KIAA1671: variants seen among roughly 807,000 people sequenced by gnomAD.
The protein encoded by KIAA1671 is uncharacterized protein KIAA1671.
In KIAA1671, 52 loss-of-function variants were observed where a neutral mutation model predicts 131.2. The observed-to-expected ratio is 0.40, with a 90% CI of 0.32 to 0.50. The LOEUF (loss-of-function observed/expected upper bound fraction) is 0.50. Ranked by LOEUF, KIAA1671 falls within the 20% of genes least tolerant of loss-of-function variation. KIAA1671 has a pLI of 0.73. For missense variants in KIAA1671, 2,360 were observed against 2,364.2 expected (o/e 1.00, Z 0.04); for synonymous variants, 1,003 against 961.6 (o/e 1.04, Z -0.80).
intron 6 of KIAA1671, among the ~76,000 whole-genome samples, chr22:25,073,984 G>C (rs1159948194): frequency 6.6e-6 from 1 of 152,140 alleles, no homozygotes; most frequent in Non-Finnish European, 1.5e-5. Flanking sequence ...ATGAGCCACT[G>C]CGCCCAGTCC....
intron 6 of KIAA1671, among the ~76,000 whole-genome samples, chr22:25,093,756 C>CTCTCTCTG (rs2145882775): frequency 9.7e-6 from 1 of 102,886 alleles, no homozygotes; most frequent in Non-Finnish European, 1.9e-5. Flanking sequence ...CTCTCTCTCT[C>CTCTCTCTG]TCTCTCTCTC....
intron 1 of KIAA1671, among the ~76,000 whole-genome samples, chr22:24,974,020 T>G (rs1399321381): frequency 6.6e-6 from 1 of 152,136 alleles, no homozygotes; most frequent in Admixed American, 6.6e-5. Flanking sequence ...CTTTGGTGGT[T>G]TGCACAACGG....
At chr22:25,057,290 G>A (rs1350530353) in intron 6 of KIAA1671, 1 of 152,302 alleles carries the variant, frequency 6.6e-6, no homozygotes, top group Non-Finnish European at 1.5e-5. Context: ...TTTCAGCAGT[G>A]CCACCTGGAG....
At position 25,041,014 on chromosome 22, in the gene KIAA1671, C is replaced by T. The variant is rs1419045482; in HGVS notation, c.3884C>T (p.Pro1295Leu). 12 of 1,480,616 alleles carry T rather than the reference C, an allele frequency of 8.1e-6. No homozygotes were observed. In the East Asian group the frequency reaches 2.0e-4, roughly 24 times the overall value. 91.7% of individuals were successfully genotyped at this position (1,480,616 alleles called of 1,614,324 possible). A position where few individuals can be genotyped will look rare whatever the true frequency, so the allele number is the denominator to read the frequency against. ...ETAMGTKSSP[P>L]FWALPPSAPS... Reference sequence around the variant, plus strand: ...GCCATGGGCACCAAATCTAGCCCTCCCTTCTGGGCTCTGCCACCCTCGGCT... The same window carrying T: ...GCCATGGGCACCAAATCTAGCCCTCTCTTCTGGGCTCTGCCACCCTCGGCT... The change falls in exon 5 of 13, where the codon CCC (proline) becomes CTC (leucine). Residue 1295 changes from proline to leucine, a missense_variant. By Grantham distance (98) the Pro-to-Leu change is moderately conservative. This residue lies in a region of KIAA1671 where 1,161 missense variants were observed against 1,204.7 expected (regional missense o/e 0.96). Transcript: ENST00000358431.
chr22:25,049,566 G>A, intron 6 of KIAA1671: 1 of 554,012 alleles, frequency 1.8e-6, no homozygotes, highest in Non-Finnish European at 3.1e-6. Context: ...GCTCTGCTGG[G>A]GAAACCTTCT....
chr22:25,153,019 C>T (rs9624734), intron 6 of KIAA1671, among the ~76,000 whole-genome samples: 40,550 of 151,960 alleles, frequency 0.27, 5,539 homozygotes, highest in South Asian at 0.39. Flanking sequence ...CTCACATGTT[C>T]ATGAACCTTG....
chr22:25,151,893 C>T (rs894448139), intron 6 of KIAA1671, among the ~76,000 whole-genome samples: 1 of 152,058 alleles, frequency 6.6e-6, no homozygotes, highest in Non-Finnish European at 1.5e-5. Flanking sequence ...TGTGAGCCAC[C>T]ACGCCCGGCT....
chr22:25,121,965 G>A (rs573628066), intron 6 of KIAA1671, among the ~76,000 whole-genome samples: 10 of 152,306 alleles, frequency 6.6e-5, no homozygotes, highest in African/African-American at 2.4e-4. Context: ...CTGGTTAAGA[G>A]AGTGAATTGT....
At chr22:25,027,378 C>T (rs1028347687) in intron 2 of KIAA1671, among the ~76,000 whole-genome samples, 1 of 152,134 alleles carries the variant, frequency 6.6e-6, no homozygotes, top group Non-Finnish European at 1.5e-5. Flanking sequence ...AGGTTACTTG[C>T]CTTCTCTGTG....
At chr22:24,993,412 C>T (rs1167733905) in intron 1 of KIAA1671, among the ~76,000 whole-genome samples, 1 of 152,226 alleles carries the variant, frequency 6.6e-6, no homozygotes, top group Non-Finnish European at 1.5e-5. Context: ...ATTTCTGTTC[C>T]TTCCATGCCC....
intron 6 of KIAA1671, among the ~76,000 whole-genome samples, chr22:25,164,668 G>C (rs5996846): frequency 0.27 from 40,497 of 152,130 alleles, 5,499 homozygotes; most frequent in South Asian, 0.39. Flanking sequence ...GAGTTGCAGG[G>C]GCCCGGTATG....
chr22:25,091,405 G>A (rs1383637480), intron 6 of KIAA1671, among the ~76,000 whole-genome samples: 1 of 152,128 alleles, frequency 6.6e-6, no homozygotes, highest in East Asian at 1.9e-4. Context: ...GTTGATGATG[G>A]TGATGATGAT....
At chr22:25,143,828 T>C (rs139223795) in intron 6 of KIAA1671, among the ~76,000 whole-genome samples, 2 of 152,282 alleles carry the variant, frequency 1.3e-5, no homozygotes, top group African/African-American at 4.8e-5. Flanking sequence ...CTGTGTGACC[T>C]TGAGCAAGTG....
intron 1 of KIAA1671, among the ~76,000 whole-genome samples, chr22:25,005,668 G>T (rs578002671): frequency 5.3e-5 from 8 of 152,322 alleles, no homozygotes; most frequent in Non-Finnish European, 8.8e-5. Flanking sequence ...GGACAAAGAC[G>T]CCAAAATAAA....
At chr22:25,155,321 A>T (rs1933191916) in intron 6 of KIAA1671, among the ~76,000 whole-genome samples, 1 of 152,148 alleles carries the variant, frequency 6.6e-6, no homozygotes, top group African/African-American at 2.4e-5. Flanking sequence ...TGTTACCAAA[A>T]ACAGTGCTGC....
At chr22:24,956,833 C>T (rs1390062041) in intron 1 of KIAA1671, among the ~76,000 whole-genome samples, 1 of 147,020 alleles carries the variant, frequency 6.8e-6, no homozygotes, top group Non-Finnish European at 1.5e-5. Context: ...GATAGTGCCA[C>T]TGCACTCCAG....
At chr22:25,031,475 C>T (rs1174292757) in intron 3 of KIAA1671, among the ~76,000 whole-genome samples, 3 of 152,186 alleles carry the variant, frequency 2.0e-5, no homozygotes, top group African/African-American at 2.4e-5. Context: ...GGATTACAGG[C>T]GTGAGCCACC....
rs189173212 is a variant in KIAA1671 at position 25,108,666 on chromosome 22, T to C, written c.4530+59302T>C. Reference sequence around the variant, plus strand: ...GGAGTAATACTTCTGGATATATCAATGTAAGGTATATAGGCTGCTGCAAGA... The same window carrying C: ...GGAGTAATACTTCTGGATATATCAACGTAAGGTATATAGGCTGCTGCAAGA... On this transcript the variant is annotated intron_variant, in intron 6 of 12. Transcript: ENST00000358431. Among the ~76,000 whole-genome samples the C allele has an allele frequency of 2.0e-4, 31 of 152,300 alleles. 1 individual carries two copies. In the Middle Eastern group the frequency reaches 0.017, roughly 84 times the overall value.
intron 6 of KIAA1671, among the ~76,000 whole-genome samples, chr22:25,141,220 A>ATGTTTT (rs1231750922): frequency 1.3e-5 from 2 of 151,916 alleles, no homozygotes; most frequent in African/African-American, 2.4e-5. Context: ...GTGAGATTGC[A>ATGTTTT]TGTTTTTGTT....
Sources: gnomAD v4.1 joint callset for allele counts (sites outside exome capture counted in the v4.1 genomes callset) on GRCh38, gnomAD v4.1.1 for gene constraint, gnomAD v4.1.1 regional missense constraint, MANE v1.5 for transcripts, NCBI Gene and HGNC (gene_info 2026-07-23, HGNC 2026-07-21) for gene names.